PTPRQ: variants seen among roughly 807,000 people sequenced by gnomAD.
PTPRQ encodes phosphatidylinositol phosphatase PTPRQ.
In PTPRQ, 199 loss-of-function variants were observed where a neutral mutation model predicts 246.0. The observed-to-expected ratio is 0.81, with a 90% CI of 0.72 to 0.91. The LOEUF is 0.91. Ranked by LOEUF, PTPRQ falls within the 40% of genes least tolerant of loss-of-function variation. The pLI is 0.00. For synonymous variants in PTPRQ, 869 were observed against 853.2 expected, an observed-to-expected ratio of 1.02 and a Z score of -0.32; for missense variants, 2,624 against 2,528.4, an observed-to-expected ratio of 1.04 and a Z score of -0.81.
At chr12:80,575,373 C>A (rs538342904) in intron 25 of PTPRQ, among the ~76,000 whole-genome samples, 2 of 152,010 alleles carry the variant, frequency 1.3e-5, no homozygotes, top group African/African-American at 2.4e-5. Context: ...ATCTTTTGAG[C>A]CTAGGAGTTT....
At chr12:80,451,238 T>A (rs964762426) in intron 3 of PTPRQ, among the ~76,000 whole-genome samples, 3 of 149,376 alleles carry the variant, frequency 2.0e-5, no homozygotes, top group African/African-American at 7.5e-5. Context: ...CCTTTATCAT[T>A]TTTTATTGCA....
chr12:80,587,190 A>G (rs1897648544), intron 25 of PTPRQ, among the ~76,000 whole-genome samples: 1 of 152,178 alleles, frequency 6.6e-6, no homozygotes, highest in African/African-American at 2.4e-5. Flanking sequence ...TGAATGTTGA[A>G]TTAATATATC....
Position 80,494,940 on chromosome 12 carries a change from A to C in PTPRQ, c.1548A>C (p.Thr516=). 6.5e-7 allele frequency: 1 copy of C among 1,539,030 alleles called. No homozygotes were observed. The highest frequency in any genetic ancestry group is 8.8e-7 in the Non-Finnish European group (1 of 1,141,534). ...AEDQTSPVVT[T]RNQYITDIAA... is the part of the protein sequence containing the mutation. ...TTTACTGAATTCAAACAGTAACTAC[A>C]AGGAATCAGTATATTACTGACATTG... The change falls in exon 11 of 45, where the codon ACA becomes ACC. Residue 516 remains threonine (T), a synonymous_variant. Transcript: ENST00000644991.
intron 17 of PTPRQ, among the ~76,000 whole-genome samples, chr12:80,523,450 T>G: frequency 6.6e-6 from 1 of 152,206 alleles, no homozygotes. Flanking sequence ...CTTTTGATTG[T>G]GATGTTAGGG....
chr12:80,592,171 A>G (rs1254513735), intron 26 of PTPRQ, among the ~76,000 whole-genome samples: 1 of 152,202 alleles, frequency 6.6e-6, no homozygotes, highest in Non-Finnish European at 1.5e-5. Context: ...TAGGAGAGAA[A>G]GATGAAAAGA....
At chr12:80,668,242 G>C (rs1054369060) in intron 39 of PTPRQ, among the ~76,000 whole-genome samples, 2 of 151,700 alleles carry the variant, frequency 1.3e-5, no homozygotes, top group Non-Finnish European at 2.9e-5. Context: ...ATAAACTCAA[G>C]TGTCATGCTT....
intron 25 of PTPRQ, among the ~76,000 whole-genome samples, chr12:80,584,611 G>A (rs771333385): frequency 5.9e-5 from 9 of 152,148 alleles, no homozygotes; most frequent in South Asian, 4.2e-4. Flanking sequence ...TGTTATTGCC[G>A]ACATGAATTA....
chr12:80,495,386 T>TTTA lies in PTPRQ; in HGVS notation c.1882+17_1882+18insATT, dbSNP rs1565744953. On this transcript the variant is annotated intron_variant, in intron 12 of 44. Transcript: ENST00000644991. ...TCTCATAACAGGTAGAAAACAATGT[T>TTTA]TTGTTGTTGTTGTTGTTGTTCATTT... 1.4e-6 allele frequency: 2 copies of TTTA among 1,392,020 alleles called. No homozygotes were observed. The highest frequency in any genetic ancestry group is 1.9e-6 in the Non-Finnish European group (2 of 1,053,382). 86.2% of individuals were successfully genotyped at this position (1,392,020 alleles called of 1,614,324 possible). A position where few individuals can be genotyped will look rare whatever the true frequency, so the allele number is the denominator to read the frequency against.
intron 25 of PTPRQ, among the ~76,000 whole-genome samples, chr12:80,575,172 C>G (rs1897249801): frequency 6.6e-6 from 1 of 152,160 alleles, no homozygotes; most frequent in African/African-American, 2.4e-5. Context: ...AATATCTAGT[C>G]ACACTGAACA....
chr12:80,646,171 G>A (rs185499225), intron 35 of PTPRQ, among the ~76,000 whole-genome samples: 106 of 152,160 alleles, frequency 7.0e-4, no homozygotes, highest in African/African-American at 2.5e-3. Context: ...AACTAAATTA[G>A]CAATAGTAAT....
chr12:80,506,299 C>T (rs1216353222), intron 15 of PTPRQ, 93 bp downstream of exon 15: 2 of 1,295,810 alleles, frequency 1.5e-6, no homozygotes, highest in Non-Finnish European at 1.0e-6. Context: ...AGATTATTTT[C>T]ATGCAGGGTA....
chr12:80,640,025 CGTGTGTGTGTGT>C (rs149812346), intron 35 of PTPRQ, among the ~76,000 whole-genome samples: 202 of 143,006 alleles, frequency 1.4e-3, no homozygotes, highest in Non-Finnish European at 2.1e-3. Flanking sequence ...TGAAGATACA[CGTGTGTGTGTGT>C]GTGTGTGTGT....
chr12:80,624,110 T>A (rs1025785131), intron 33 of PTPRQ, among the ~76,000 whole-genome samples: 6 of 152,122 alleles, frequency 3.9e-5, no homozygotes, highest in African/African-American at 1.4e-4. Flanking sequence ...ACCCCAATCA[T>A]CTAGGTATGA....
intron 25 of PTPRQ, among the ~76,000 whole-genome samples, chr12:80,560,038 T>C (rs1317172907): frequency 6.6e-6 from 1 of 152,130 alleles, no homozygotes; most frequent in Non-Finnish European, 1.5e-5. Flanking sequence ...TTAAAAGAAT[T>C]TGGGGAAACG....
At chr12:80,523,489 C>T (rs1895577913) in intron 17 of PTPRQ, among the ~76,000 whole-genome samples, 1 of 152,180 alleles carries the variant, frequency 6.6e-6, no homozygotes, top group African/African-American at 2.4e-5. Context: ...CCTGCTTTCT[C>T]TTGTGGGCAT....
At chr12:80,596,391 C>A (rs1459044005) in intron 26 of PTPRQ, among the ~76,000 whole-genome samples, 1 of 151,434 alleles carries the variant, frequency 6.6e-6, no homozygotes, top group Non-Finnish European at 1.5e-5. Context: ...CACTAAAAAT[C>A]AAACAAAGAA....
chr12:80,619,716 T>A (rs780921792), intron 31 of PTPRQ, among the ~76,000 whole-genome samples, 174 bp downstream of exon 31: 6 of 151,462 alleles, frequency 4.0e-5, no homozygotes, highest in Non-Finnish European at 8.9e-5. Context: ...ATAAATAAAT[T>A]ATTTATTTAT....
At chr12:80,576,683 A>G (rs2120977660) in intron 25 of PTPRQ, among the ~76,000 whole-genome samples, 1 of 151,582 alleles carries the variant, frequency 6.6e-6, no homozygotes, top group Non-Finnish European at 1.5e-5. Context: ...TTCACTGTAC[A>G]TTAACTATTG....
chr12:80,611,948 C>A (rs1026271719), intron 28 of PTPRQ, among the ~76,000 whole-genome samples: 1 of 150,350 alleles, frequency 6.7e-6, no homozygotes, highest in Non-Finnish European at 1.5e-5. Flanking sequence ...GTACGTTTAT[C>A]TGCTTCTCTC....
Sources: gnomAD v4.1 joint callset for allele counts (sites outside exome capture counted in the v4.1 genomes callset) on GRCh38, gnomAD v4.1.1 for gene constraint, MANE v1.5 for transcripts, NCBI Gene and HGNC (gene_info 2026-07-23, HGNC 2026-07-21) for gene names.